The following RIMS2 variants were observed in gnomAD, a reference collection of about 807,000 sequenced individuals.
RIMS2 encodes regulating synaptic membrane exocytosis protein 2.
Under a neutral mutation model 174.4 loss-of-function variants are expected in RIMS2, and 59 were observed. That is an observed-to-expected ratio of 0.34 (90% CI 0.27 to 0.42). The LOEUF (loss-of-function observed/expected upper bound fraction) is 0.42. RIMS2 is among the 10% of genes least tolerant of loss of function. RIMS2 has a pLI of 1.00. For missense variants in RIMS2, 1,620 were observed against 1,666.3 expected (o/e 0.97, Z 0.48); for synonymous variants, 606 against 572.5 (o/e 1.06, Z -0.84).
chr8:103,834,585 C>CT (rs1191880148), intron 3 of RIMS2, among the ~76,000 whole-genome samples: 24 of 150,272 alleles, frequency 1.6e-4, no homozygotes, highest in Admixed American at 3.3e-4. Context: ...CTTTCTTTAG[C>CT]TTTTTTTTTG....
chr8:103,521,461 A>T (rs1831651195), intron 1 of RIMS2, among the ~76,000 whole-genome samples: 1 of 151,992 alleles, frequency 6.6e-6, no homozygotes, highest in Non-Finnish European at 1.5e-5. Context: ...CTTATTTATT[A>T]TAATTTTTTA....
At chr8:103,701,178 A>G (rs2097162216) in intron 2 of RIMS2, among the ~76,000 whole-genome samples, 1 of 152,022 alleles carries the variant, frequency 6.6e-6, no homozygotes. Flanking sequence ...GAATAGTTTC[A>G]ATTTTTTCAT....
chr8:103,551,337 A>G (rs940621358), intron 1 of RIMS2, among the ~76,000 whole-genome samples: 1 of 152,218 alleles, frequency 6.6e-6, no homozygotes, highest in Non-Finnish European at 1.5e-5. Flanking sequence ...AAACAGAATC[A>G]AAGACAAAAA....
chr8:103,669,878 C>T (rs1255733332), intron 1 of RIMS2, among the ~76,000 whole-genome samples: 1 of 152,198 alleles, frequency 6.6e-6, no homozygotes, highest in Non-Finnish European at 1.5e-5. Context: ...AGTGGATCTA[C>T]CATTCTGGGG....
intron 1 of RIMS2, among the ~76,000 whole-genome samples, chr8:103,525,641 T>C (rs1833632028): frequency 6.6e-6 from 1 of 152,204 alleles, no homozygotes; most frequent in Admixed American, 6.5e-5. Context: ...GAATAGATAC[T>C]AGACAGGCAA....
At chr8:104,110,620 T>C (rs2098164178) in intron 19 of RIMS2, among the ~76,000 whole-genome samples, 1 of 152,170 alleles carries the variant, frequency 6.6e-6, no homozygotes, top group South Asian at 2.1e-4. Flanking sequence ...AGAGGACATT[T>C]AGCTAAAATC....
chr8:104,247,916 A>G (rs2099345058), intron 20 of RIMS2, among the ~76,000 whole-genome samples: 1 of 152,226 alleles, frequency 6.6e-6, no homozygotes, highest in Non-Finnish European at 1.5e-5. Context: ...ATTCAGACAT[A>G]GAAAAAAGAT....
At chr8:103,618,206 G>T (rs539097060) in intron 1 of RIMS2, among the ~76,000 whole-genome samples, 1 of 152,066 alleles carries the variant, frequency 6.6e-6, no homozygotes, top group East Asian at 1.9e-4. Flanking sequence ...GGAGCTGGAG[G>T]CTAAGTAACA....
At chr8:103,818,941 G>A (rs2098734567) in intron 3 of RIMS2, among the ~76,000 whole-genome samples, 1 of 152,092 alleles carries the variant, frequency 6.6e-6, no homozygotes, top group African/African-American at 2.4e-5. Context: ...TTTTTAGAGT[G>A]TTCTGGTCCT....
intron 19 of RIMS2, among the ~76,000 whole-genome samples, chr8:104,056,175 C>A (rs894140533): frequency 1.3e-5 from 2 of 152,030 alleles, no homozygotes; most frequent in Non-Finnish European, 2.9e-5. Context: ...GAGGCCAAGG[C>A]GGGCAGATCA....
chr8:103,786,929 G>T (rs1186465492), intron 3 of RIMS2, among the ~76,000 whole-genome samples: 2 of 151,562 alleles, frequency 1.3e-5, no homozygotes, highest in African/African-American at 4.9e-5. Context: ...GGTCACTCAC[G>T]ACTTGCTCTA....
At position 103,925,939 on chromosome 8, in the gene RIMS2, C is replaced by T. The variant is rs148283615; in HGVS notation, c.2197-1903C>T. Among the ~76,000 whole-genome samples, 805 of 151,462 alleles carry T rather than the reference C, an allele frequency of 5.3e-3. 6 individuals are homozygous for T. Among genetic ancestry groups the T allele is most frequent in the African/African-American group, 0.018 (743 of 41,440 alleles). Reference sequence around the variant, plus strand: ...ACCTTAATTGAAAAAATATTGTCAACGCAAAAATATATTTTTATAGCCATA... The same window carrying T: ...ACCTTAATTGAAAAAATATTGTCAATGCAAAAATATATTTTTATAGCCATA... On this transcript the variant is annotated intron_variant, in intron 10 of 23. Coordinates refer to ENST00000504942, the Ensembl canonical transcript of RIMS2.
At chr8:104,033,669 T>C (rs558873870) in intron 19 of RIMS2, among the ~76,000 whole-genome samples, 2 of 151,888 alleles carry the variant, frequency 1.3e-5, no homozygotes, top group South Asian at 4.1e-4. Flanking sequence ...GGAAAATTGG[T>C]CCTGGAAATT....
chr8:104,116,443 A>G (rs1473102831), intron 19 of RIMS2, among the ~76,000 whole-genome samples: 1 of 152,216 alleles, frequency 6.6e-6, no homozygotes, highest in Non-Finnish European at 1.5e-5. Context: ...TATTTTTTAT[A>G]ATATGACCAC....
At chr8:103,728,705 AGGCCTGTCCCTAT>A (rs2097552971) in intron 2 of RIMS2, among the ~76,000 whole-genome samples, 1 of 140,640 alleles carries the variant, frequency 7.1e-6, no homozygotes, top group Non-Finnish European at 1.5e-5. Flanking sequence ...TACTCAATGT[AGGCCTGTCCCTAT>A]GGCTTTTATT....
chr8:103,895,228 G>A (rs1300486949), intron 4 of RIMS2, among the ~76,000 whole-genome samples: 2 of 115,700 alleles, frequency 1.7e-5, no homozygotes, highest in African/African-American at 6.7e-5. Context: ...TAAAATCTTT[G>A]TCTGCTAAAT....
rs958345427 is a variant in RIMS2 at position 103,726,685 on chromosome 8, T to C, written c.387+29389T>C. Among the ~76,000 whole-genome samples the C allele has an allele frequency of 1.1e-3, 165 of 148,150 alleles. 1 individual carries two copies. Among genetic ancestry groups the C allele is most frequent in the African/African-American group, 3.6e-3 (148 of 40,900 alleles). On this transcript the variant is annotated intron_variant, in intron 2 of 23. Transcript: ENST00000504942. ...ATTCACCTTCCTTTATGTCCCTCAATAGGATTATTTATATTAATTATATAT... is the reference window on the plus strand; with the variant it reads ...ATTCACCTTCCTTTATGTCCCTCAACAGGATTATTTATATTAATTATATAT...
At chr8:103,507,855 A>G (rs1025914623) in intron 1 of RIMS2, among the ~76,000 whole-genome samples, 3 of 152,128 alleles carry the variant, frequency 2.0e-5, no homozygotes, top group Non-Finnish European at 4.4e-5. Flanking sequence ...AAGAGTACAC[A>G]GAAGGCTTTG....
chr8:104,172,017 T>C (rs1208600041), intron 19 of RIMS2, among the ~76,000 whole-genome samples: 2 of 152,080 alleles, frequency 1.3e-5, no homozygotes, highest in South Asian at 2.1e-4. Context: ...TCCCATGGGG[T>C]TGGAATGGCA....
Sources: allele counts gnomAD v4.1 joint callset (sites outside exome capture counted in the v4.1 genomes callset), GRCh38; gene constraint gnomAD v4.1.1; transcripts MANE v1.5; gene names NCBI Gene and HGNC (gene_info 2026-07-23, HGNC 2026-07-21).